Variants in WDR20 observed in about 807,000 individuals in gnomAD.
The protein encoded by WDR20 is WD repeat-containing protein 20.
A neutral mutation model predicts 38.7 loss-of-function variants in WDR20; 3 were observed. The observed-to-expected ratio is 0.08, with a 90% CI of 0.04 to 0.20. The LOEUF (loss-of-function observed/expected upper bound fraction) is 0.20, where lower values mean the gene tolerates loss of function less well. Ranked by LOEUF, WDR20 falls within the 10% of genes least tolerant of loss-of-function variation. The probability of loss-of-function intolerance (pLI) is 1.00; values close to 1 mark genes in which losing one functional copy is unlikely to be tolerated. For missense variants in WDR20, 559 were observed against 727.7 expected, an observed-to-expected ratio of 0.77 and a Z score of 2.67; for synonymous variants, 298 against 285.6, an observed-to-expected ratio of 1.04 and a Z score of -0.44.
intron 1 of WDR20, among the ~76,000 whole-genome samples, chr14:102,153,307 C>CTTTTTTT (rs57513596): frequency 3.1e-5 from 4 of 128,206 alleles, no homozygotes; most frequent in Non-Finnish European, 4.8e-5. Context: ...AAACCTCTTT[C>CTTTTTTT]TTTTTTTTTT....
chr14:102,167,493 A>T (rs1022708682), intron 1 of WDR20: 2 of 152,206 alleles, frequency 1.3e-5, no homozygotes, highest in African/African-American at 4.8e-5. Flanking sequence ...GCACTGGGAT[A>T]ATAGTTGTGA....
intron 1 of WDR20, among the ~76,000 whole-genome samples, chr14:102,181,123 A>G (rs1423368346): frequency 6.6e-6 from 1 of 152,146 alleles, no homozygotes; most frequent in Non-Finnish European, 1.5e-5. Flanking sequence ...AGCATTCAGA[A>G]CATAACTTAT....
intron 1 of WDR20, among the ~76,000 whole-genome samples, chr14:102,176,473 C>T (rs966778646): frequency 1.3e-5 from 2 of 152,222 alleles, no homozygotes; most frequent in Middle Eastern, 3.4e-3. Context: ...CCAAGGCGGG[C>T]GGATCATGAG....
At chr14:102,213,113 G>C (rs1447564657), downstream of WDR20, 2 of 986,180 alleles carry the variant, frequency 2.0e-6, no homozygotes, top group African/African-American at 3.5e-5. Context: ...CGCCCTCCTT[G>C]GGTTGGCCTT....
At chr14:102,154,237 C>T (rs2056847408) in intron 1 of WDR20, among the ~76,000 whole-genome samples, 2 of 152,140 alleles carry the variant, frequency 1.3e-5, no homozygotes, top group Non-Finnish European at 2.9e-5. Context: ...AACACAATAC[C>T]ATAGATTAGG....
exon 4 of WDR20, chr14:102,223,159 A>G (rs546230335): frequency 1.2e-5 from 3 of 248,648 alleles, no homozygotes; most frequent in African/African-American, 2.3e-5. Flanking sequence ...AATGTAATTA[A>G]ATTTCATATA....
intron 2 of WDR20, among the ~76,000 whole-genome samples, chr14:102,200,090 C>G (rs532671171): frequency 3.3e-5 from 5 of 152,372 alleles, no homozygotes; most frequent in Non-Finnish European, 5.9e-5. Flanking sequence ...TTCCCGCTCC[C>G]TGGGACTGTC....
chr14:102,149,854 G>A (rs1178032405), intron 1 of WDR20, among the ~76,000 whole-genome samples: 2 of 152,038 alleles, frequency 1.3e-5, no homozygotes, highest in African/African-American at 4.8e-5. Flanking sequence ...CACCACGCCC[G>A]GCTAATTTTT....
At chr14:102,188,473 C>T (rs1023729172) in intron 1 of WDR20, among the ~76,000 whole-genome samples, 3 of 152,160 alleles carry the variant, frequency 2.0e-5, no homozygotes, top group Admixed American at 6.5e-5. Context: ...CTTTTGCAGA[C>T]CCTTTGTGGT....
intron 1 of WDR20, among the ~76,000 whole-genome samples, chr14:102,155,281 A>G (rs1414898216): frequency 1.3e-5 from 2 of 152,166 alleles, no homozygotes; most frequent in Non-Finnish European, 2.9e-5. Flanking sequence ...CAAATGTAAG[A>G]TATTTCTTTT....
intron 1 of WDR20, among the ~76,000 whole-genome samples, chr14:102,161,142 A>ATATATATATATATAT (rs1342924049): frequency 1.9e-4 from 3 of 16,052 alleles, no homozygotes; most frequent in Admixed American, 1.2e-3. Flanking sequence ...ATATATATAT[A>ATATATATATATATAT]TTTTTTTTTT....
At chr14:102,188,044 G>A (rs562575003) in intron 1 of WDR20, among the ~76,000 whole-genome samples, 1 of 152,250 alleles carries the variant, frequency 6.6e-6, no homozygotes, top group East Asian at 1.9e-4. Context: ...GGGATGGGGA[G>A]GGAAGATGTG....
intron 2 of WDR20, among the ~76,000 whole-genome samples, chr14:102,205,252 C>T (rs1016776971): frequency 1.4e-5 from 2 of 147,940 alleles, no homozygotes; most frequent in Admixed American, 6.6e-5. Flanking sequence ...TGGAGCGAGA[C>T]CCTGTCTCAA....
chr14:102,208,719 T>C lies in WDR20; in HGVS notation c.549T>C (p.Cys183=), dbSNP rs2062011882. The change falls in exon 3 of 3, where the codon TGT becomes TGC. Residue 183 remains cysteine, a synonymous_variant. Coordinates refer to ENST00000342702, the MANE Select transcript of WDR20 (RefSeq NM_144574.4). The surrounding 1 kb of genome is among the most constrained non-coding windows in gnomAD (Gnocchi z 5.6). ...ACTTATATAATGTGGAGCACACTTGTGGCACCACAGCCCCCCACTACCAGC... is the reference window on the plus strand; with the variant it reads ...ACTTATATAATGTGGAGCACACTTGCGGCACCACAGCCCCCCACTACCAGC... ...NMYLYNVEHT[C]GTTAPHYQLL... is the part of the protein sequence containing the mutation. The C allele has an allele frequency of 6.2e-7, 1 of 1,614,092 alleles. No individual in the cohort carries two copies. The highest frequency in any genetic ancestry group is 1.3e-5 in the African/African-American group (1 of 74,920).
At chr14:102,176,827 G>A (rs77532690) in intron 1 of WDR20, among the ~76,000 whole-genome samples, 3,260 of 151,914 alleles carry the variant, frequency 0.021, 93 homozygotes, top group African/African-American at 0.063. Flanking sequence ...TCCGCCTCCC[G>A]GGTTCATTCT....
At chr14:102,141,505 T>G (rs1167003021) in intron 1 of WDR20, among the ~76,000 whole-genome samples, 1 of 152,186 alleles carries the variant, frequency 6.6e-6, no homozygotes, top group East Asian at 1.9e-4. Context: ...TTTTCCTCGT[T>G]TGGAATTGCA....
intron 1 of WDR20, among the ~76,000 whole-genome samples, chr14:102,157,670 G>GA (rs1041337231): frequency 2.4e-4 from 36 of 152,264 alleles, no homozygotes; most frequent in African/African-American, 7.5e-4. Context: ...TTTGAATTCA[G>GA]ATGGTGGGTC....
intron 1 of WDR20, among the ~76,000 whole-genome samples, chr14:102,155,422 G>A (rs1211199): frequency 0.66 from 100,302 of 152,052 alleles, 36,433 homozygotes; most frequent in East Asian, 0.92. Flanking sequence ...GGTAAGAATG[G>A]GGAAAGGAGA....
chr14:102,210,357 TA>T lies in WDR20; in HGVS notation c.*478del, dbSNP rs1159556778. 1.3e-5 allele frequency: 13 copies of T among 985,776 alleles called. No homozygotes were observed. In the African/African-American group the frequency reaches 2.1e-4, roughly 16 times the overall value. 61.1% of individuals were successfully genotyped at this position (985,776 alleles called of 1,614,324 possible). On this transcript the variant is annotated 3_prime_UTR_variant, in exon 3 of 3. Coordinates refer to ENST00000342702, the MANE Select transcript of WDR20 (RefSeq NM_144574.4). ...TTTTTTATCTTAATCATAAAATGTTTAGGAATCTATGAAATTTAACTTTAGG... is the reference window on the plus strand; with the variant it reads ...TTTTTTATCTTAATCATAAAATGTTTGGAATCTATGAAATTTAACTTTAGG...
Sources: gnomAD v4.1 joint callset for allele counts (sites outside exome capture counted in the v4.1 genomes callset) on GRCh38, gnomAD v4.1.1 for gene constraint, Gnocchi (gnomAD v3.1) non-coding constraint, MANE v1.5 for transcripts, NCBI Gene and HGNC (gene_info 2026-07-23, HGNC 2026-07-21) for gene names.